WDFY3: variants seen among roughly 807,000 people sequenced by gnomAD.
WDFY3 encodes WD repeat and FYVE domain-containing protein 3.
Under a neutral mutation model 409.6 loss-of-function variants are expected in WDFY3, and 66 were observed. That is an observed-to-expected ratio of 0.16 (90% CI 0.13 to 0.20). The LOEUF (loss-of-function observed/expected upper bound fraction) is 0.20. Ranked by LOEUF, WDFY3 falls within the 10% of genes least tolerant of loss-of-function variation. The probability of loss-of-function intolerance (pLI) is 1.00; values close to 1 mark genes in which losing one functional copy is unlikely to be tolerated. For missense variants in WDFY3, 3,031 were observed against 4,298.1 expected (o/e 0.71, Z 8.24); for synonymous variants, 1,521 against 1,537.1 (o/e 0.99, Z 0.25).
At chr4:84,685,975 T>A (rs1284136240) in intron 62 of WDFY3, among the ~76,000 whole-genome samples, 4 of 152,212 alleles carry the variant, frequency 2.6e-5, no homozygotes, top group Non-Finnish European at 4.4e-5. Flanking sequence ...CACATTTTTG[T>A]AAAGCTCTTT....
chr4:84,850,597 G>A (rs528715416), intron 4 of WDFY3, among the ~76,000 whole-genome samples: 108 of 152,216 alleles, frequency 7.1e-4, no homozygotes, highest in African/African-American at 2.4e-3. Context: ...GATTACAGGC[G>A]TGAGCCACCA....
intron 2 of WDFY3, among the ~76,000 whole-genome samples, chr4:84,917,037 T>C (rs1768585346): frequency 6.6e-6 from 1 of 152,180 alleles, no homozygotes; most frequent in Admixed American, 6.5e-5. Flanking sequence ...ATACATATTT[T>C]ATATATCACA....
At chr4:84,674,317 C>A (rs1175603394) in intron 67 of WDFY3, among the ~76,000 whole-genome samples, 1 of 152,168 alleles carries the variant, frequency 6.6e-6, no homozygotes, top group African/African-American at 2.4e-5. Context: ...AAACTGTAAT[C>A]CCAGCACTTT....
intron 32 of WDFY3, among the ~76,000 whole-genome samples, chr4:84,759,044 C>T (rs1045080843): frequency 1.3e-5 from 2 of 152,166 alleles, no homozygotes; most frequent in Admixed American, 6.5e-5. Flanking sequence ...TTCCCAGCAC[C>T]ATTTATTGAA....
At chr4:84,937,960 TA>T (rs1371472458) in intron 1 of WDFY3, among the ~76,000 whole-genome samples, 2 of 152,170 alleles carry the variant, frequency 1.3e-5, no homozygotes, top group Non-Finnish European at 2.9e-5. Context: ...ATACCTGTGA[TA>T]AAATTTAATT....
chr4:84,914,657 T>C (rs1189940436), intron 2 of WDFY3, among the ~76,000 whole-genome samples: 1 of 152,170 alleles, frequency 6.6e-6, no homozygotes, highest in East Asian at 1.9e-4. Flanking sequence ...ACACCTATTA[T>C]GATGGCTACT....
At chr4:84,931,344 G>A (rs1468734562) in intron 2 of WDFY3, among the ~76,000 whole-genome samples, 2 of 152,198 alleles carry the variant, frequency 1.3e-5, no homozygotes, top group African/African-American at 4.8e-5. Context: ...GTATCTGATT[G>A]AGGAATCAGA....
intron 49 of WDFY3, among the ~76,000 whole-genome samples, chr4:84,715,896 G>A (rs1007619571): frequency 2.0e-5 from 3 of 150,098 alleles, no homozygotes; most frequent in Non-Finnish European, 4.4e-5. Context: ...TATTTCTAAA[G>A]TCTTTAGTAA....
intron 56 of WDFY3, among the ~76,000 whole-genome samples, chr4:84,700,362 C>T (rs1730882704): frequency 6.6e-6 from 1 of 152,090 alleles, no homozygotes; most frequent in African/African-American, 2.4e-5. Flanking sequence ...CATCACCACG[C>T]CCAGCTAATT....
rs1730224846 is a variant in WDFY3, at chr4:84,696,810, A to G, written c.8610T>C (p.Asn2870=). ...GGATAACATCTCCAAGCTTGGTGCC[A>G]TTTTGTTTACAGCCTATGCAATTGG... The part of the protein sequence containing the change: ...SNNFDLGCKQ[N]GTKLGDVILP... Residue 2870 remains asparagine, a synonymous_variant, in exon 57 of 68, where the codon AAT becomes AAC. Transcript: ENST00000295888. 6.2e-7 allele frequency: 1 copy of G among 1,613,908 alleles called. No homozygotes were observed. The highest frequency in any genetic ancestry group is 8.5e-7 in the Non-Finnish European group (1 of 1,179,862).
chr4:84,852,250 C>T (rs116069128), intron 4 of WDFY3, among the ~76,000 whole-genome samples: 4,795 of 152,224 alleles, frequency 0.031, 221 homozygotes, highest in African/African-American at 0.11. Context: ...ATACACTGGA[C>T]AAAGGAATAA....
chr4:84,874,431 C>T (rs1000754084), intron 3 of WDFY3, among the ~76,000 whole-genome samples: 3 of 151,704 alleles, frequency 2.0e-5, no homozygotes, highest in Non-Finnish European at 4.4e-5. Flanking sequence ...AACAAACAAA[C>T]ACAAAGCAGG....
At chr4:84,895,038 ACTCT>A (rs1765454181) in intron 3 of WDFY3, among the ~76,000 whole-genome samples, 1 of 151,992 alleles carries the variant, frequency 6.6e-6, no homozygotes, top group Non-Finnish European at 1.5e-5. Context: ...AACTTATTAA[ACTCT>A]CTCTTCAGAA....
At chr4:84,808,186 C>T (rs887481228) in intron 15 of WDFY3, 148 bp downstream of exon 15, 2 of 578,924 alleles carry the variant, frequency 3.5e-6, no homozygotes, top group Non-Finnish European at 6.0e-6. Flanking sequence ...CTAAAAACAC[C>T]CCCCAAAACC....
intron 19 of WDFY3, 96 bp from the exon 20 acceptor site, chr4:84,795,075 G>T: frequency 2.5e-6 from 2 of 805,420 alleles, no homozygotes; most frequent in Non-Finnish European, 3.5e-6. Context: ...AGTATTTAAT[G>T]GTGACTAGAG....
At chr4:84,737,021 G>T (rs796132192) in intron 41 of WDFY3, among the ~76,000 whole-genome samples, 163 bp downstream of exon 41, 2 of 149,122 alleles carry the variant, frequency 1.3e-5, no homozygotes, top group Non-Finnish European at 3.0e-5. Flanking sequence ...AAATCAAAGA[G>T]AACTAAGATC....
At position 84,776,674 on chromosome 4, in the gene WDFY3, G is replaced by A. The variant is rs114251038; in HGVS notation, c.4519-1536C>T. ...TCTAATGGACTAAATGCCTTGAGCT[G>A]TGGACTCTTACTTTTTCTTTTCACA... is the stretch of plus-strand genomic sequence containing the variant. On this transcript the variant is annotated intron_variant, in intron 27 of 67. Transcript: ENST00000295888. Among the ~76,000 whole-genome samples, 719 of 152,144 alleles carry A rather than the reference G, an allele frequency of 4.7e-3. 4 individuals carry two copies. Among genetic ancestry groups the A allele is most frequent in the African/African-American group, 0.016 (654 of 41,542 alleles).
chr4:84,804,668 G>C (rs956307760), intron 15 of WDFY3, among the ~76,000 whole-genome samples: 1 of 151,816 alleles, frequency 6.6e-6, no homozygotes. Context: ...CTCCTATATT[G>C]CTCCCTTTAT....
At chr4:84,945,117 T>C (rs777870196) in intron 1 of WDFY3, among the ~76,000 whole-genome samples, 10 of 152,250 alleles carry the variant, frequency 6.6e-5, no homozygotes, top group African/African-American at 9.6e-5. Flanking sequence ...CTCTTAGTAA[T>C]TGAGTGGATA....
Sources: allele counts gnomAD v4.1 joint callset (sites outside exome capture counted in the v4.1 genomes callset), GRCh38; gene constraint gnomAD v4.1.1; transcripts MANE v1.5; gene names NCBI Gene and HGNC (gene_info 2026-07-23, HGNC 2026-07-21).